Variants in DAB1 observed in about 807,000 individuals in gnomAD.
DAB1 encodes DAB adaptor protein 1.
DAB1 carries 15 observed loss-of-function variants against 64.6 expected under a neutral mutation model. The ratio of observed to expected loss-of-function variants is 0.23; its 90% CI spans 0.16 to 0.36. The LOEUF (loss-of-function observed/expected upper bound fraction) is 0.36, where lower values mean the gene tolerates loss of function less well. Ranked by LOEUF, DAB1 falls within the 10% of genes least tolerant of loss-of-function variation. The pLI is 1.00. For synonymous variants in DAB1, 235 were observed against 251.9 expected, an observed-to-expected ratio of 0.93 and a Z score of 0.64; for missense variants, 596 against 706.7, an observed-to-expected ratio of 0.84 and a Z score of 1.78.
chr1:58,092,707 T>C (rs1650742759), intron 5 of DAB1, among the ~76,000 whole-genome samples: 1 of 152,056 alleles, frequency 6.6e-6, no homozygotes, highest in Non-Finnish European at 1.5e-5. Flanking sequence ...TGAATATACG[T>C]CTAAGTAGAG....
chr1:58,072,085 T>TGGGGGGGGG (rs10665790), intron 5 of DAB1, among the ~76,000 whole-genome samples: 17 of 81,136 alleles, frequency 2.1e-4, no homozygotes, highest in East Asian at 2.0e-3. Context: ...ATTGGTGGGG[T>TGGGGGGGGG]GGGGGGGGGT....
At chr1:58,361,115 C>G (rs1264623191) in intron 3 of DAB1, among the ~76,000 whole-genome samples, 2 of 152,222 alleles carry the variant, frequency 1.3e-5, no homozygotes, top group African/African-American at 4.8e-5. Context: ...CACTGAAGCC[C>G]TGGTGTGTAC....
At chr1:58,490,308 T>C (rs1645658028) in intron 3 of DAB1, among the ~76,000 whole-genome samples, 1 of 152,160 alleles carries the variant, frequency 6.6e-6, no homozygotes, top group South Asian at 2.1e-4. Context: ...CAAGCCTCAG[T>C]AGCCGATTCG....
In DAB1 at chr1:57,238,858, CAT is replaced by C. The variant is rs1416472093; in HGVS notation, c.67+52104_67+52105del. On this transcript the variant is annotated intron_variant, in intron 2 of 14. Transcript: ENST00000371236. ...GCACATGCGCACACACACACACACA[CAT>C]ACACACACACACACACACACACACA... Among the ~76,000 whole-genome samples the C allele has an allele frequency of 5.0e-3, 562 of 113,466 alleles. 2 individuals carry two copies. The highest frequency in any genetic ancestry group is 0.025 in the Middle Eastern group (6 of 244). The allele number at this position is 113,466 out of a possible 152,430, so 74.4% of individuals were successfully genotyped here.
intron 4 of DAB1, among the ~76,000 whole-genome samples, chr1:58,166,542 A>G (rs142252617): frequency 6.4e-4 from 97 of 152,226 alleles, no homozygotes; most frequent in African/African-American, 2.3e-3. Context: ...TCCTTTCACC[A>G]CTACGTGAAC....
At chr1:58,355,226 C>T (rs1038651825) in intron 3 of DAB1, among the ~76,000 whole-genome samples, 5 of 152,188 alleles carry the variant, frequency 3.3e-5, no homozygotes, top group African/African-American at 9.7e-5. Context: ...ACAACCCTAC[C>T]ATGAGCCTTT....
chr1:58,507,339 T>G (rs566824724), intron 2 of DAB1, among the ~76,000 whole-genome samples: 3 of 151,950 alleles, frequency 2.0e-5, no homozygotes, highest in Non-Finnish European at 2.9e-5. Flanking sequence ...AATAGTGTAA[T>G]TGTGAAACCC....
intron 2 of DAB1, among the ~76,000 whole-genome samples, chr1:57,212,700 A>G (rs1033235419): frequency 6.6e-6 from 1 of 152,136 alleles, no homozygotes; most frequent in African/African-American, 2.4e-5. Context: ...ATTCATATGC[A>G]CTAATTCATT....
At chr1:58,500,716 AT>A (rs1469141593) in intron 3 of DAB1, among the ~76,000 whole-genome samples, 1 of 152,168 alleles carries the variant, frequency 6.6e-6, no homozygotes, top group East Asian at 1.9e-4. Context: ...CAAATTAAAT[AT>A]TTTTCCTATA....
intron 11 of DAB1, among the ~76,000 whole-genome samples, chr1:57,019,265 T>C (rs1015167901): frequency 1.5e-4 from 23 of 152,214 alleles, no homozygotes; most frequent in Admixed American, 1.5e-3. Flanking sequence ...ACTGCATTTT[T>C]CCCGGTGTCT....
At chr1:58,450,664 G>A (rs1039612663) in intron 3 of DAB1, among the ~76,000 whole-genome samples, 1 of 152,360 alleles carries the variant, frequency 6.6e-6, no homozygotes, top group South Asian at 2.1e-4. Flanking sequence ...TGAGGCAGGA[G>A]AATGGCGTGA....
chr1:58,533,188 T>C (rs1022433555), intron 1 of DAB1, among the ~76,000 whole-genome samples: 1 of 152,212 alleles, frequency 6.6e-6, no homozygotes, highest in Non-Finnish European at 1.5e-5. Flanking sequence ...TGAACAGACA[T>C]GTATTCACAG....
intron 5 of DAB1, among the ~76,000 whole-genome samples, chr1:58,029,457 G>A (rs993981954): frequency 9.9e-5 from 15 of 152,280 alleles, no homozygotes; most frequent in South Asian, 8.3e-4. Flanking sequence ...GGATATTGAC[G>A]AACAGGGGTG....
At chr1:57,122,340 G>A (rs1419014684) in intron 4 of DAB1, among the ~76,000 whole-genome samples, 2 of 152,176 alleles carry the variant, frequency 1.3e-5, no homozygotes, top group Admixed American at 6.5e-5. Context: ...AGATGAGAGT[G>A]TCAGCAAAAG....
chr1:57,503,224 C>T (rs144772014), intron 7 of DAB1, among the ~76,000 whole-genome samples: 2 of 152,342 alleles, frequency 1.3e-5, no homozygotes, highest in African/African-American at 4.8e-5. Flanking sequence ...TAGCCAAACT[C>T]ATGATCTTCT....
intron 5 of DAB1, among the ~76,000 whole-genome samples, chr1:57,975,546 G>A (rs1253322877): frequency 1.3e-5 from 2 of 152,192 alleles, no homozygotes; most frequent in Admixed American, 1.3e-4. Flanking sequence ...AAAAGAATGT[G>A]CAAGATATAG....
intron 6 of DAB1, among the ~76,000 whole-genome samples, chr1:57,696,427 T>C (rs916987254): frequency 6.6e-6 from 1 of 152,030 alleles, no homozygotes; most frequent in African/African-American, 2.4e-5. Flanking sequence ...AACTGTGGGG[T>C]TGGGAAAACC....
chr1:58,349,558 A>G (rs1461861523), intron 3 of DAB1, among the ~76,000 whole-genome samples: 2 of 152,068 alleles, frequency 1.3e-5, no homozygotes, highest in Non-Finnish European at 2.9e-5. Context: ...TGCTGCACCC[A>G]TAAACCCTTC....
intron 7 of DAB1, among the ~76,000 whole-genome samples, chr1:57,452,524 A>C (rs1054725382): frequency 3.3e-5 from 5 of 152,056 alleles, no homozygotes; most frequent in Non-Finnish European, 5.9e-5. Flanking sequence ...AAATGAAAAC[A>C]ACCTGAACGT....
Sources: gnomAD v4.1 joint callset for allele counts (sites outside exome capture counted in the v4.1 genomes callset) on GRCh38, gnomAD v4.1.1 for gene constraint, MANE v1.5 for transcripts, NCBI Gene and HGNC (gene_info 2026-07-23, HGNC 2026-07-21) for gene names.